The following GTF2F2 variants were observed in gnomAD, a reference collection of about 807,000 sequenced individuals.
The protein encoded by GTF2F2 is general transcription factor IIF subunit 2.
Under a neutral mutation model 42.2 loss-of-function variants are expected in GTF2F2, and 23 were observed. The ratio of observed to expected loss-of-function variants is 0.55; its 90% CI spans 0.39 to 0.77. GTF2F2 has a LOEUF of 0.77. Ranked by LOEUF, GTF2F2 falls within the 30% of genes least tolerant of loss-of-function variation. The probability of loss-of-function intolerance (pLI) is 0.00; values close to 1 mark genes in which losing one functional copy is unlikely to be tolerated. For synonymous variants in GTF2F2, 105 were observed against 100.8 expected (o/e 1.04, Z -0.25); for missense variants, 261 against 287.2 (o/e 0.91, Z 0.66).
At chr13:45,165,811 T>A (rs944511647) in intron 4 of GTF2F2, among the ~76,000 whole-genome samples, 4 of 89,832 alleles carry the variant, frequency 4.5e-5, no homozygotes, top group African/African-American at 1.5e-4. Context: ...ACATTCTTTT[T>A]TTTTTTTTTT....
chr13:45,147,245 A>G (rs532081441), intron 2 of GTF2F2, among the ~76,000 whole-genome samples: 1 of 152,146 alleles, frequency 6.6e-6, no homozygotes, highest in East Asian at 1.9e-4. Flanking sequence ...CCTGCTATGT[A>G]TCTCTTCCTT....
intron 4 of GTF2F2, among the ~76,000 whole-genome samples, chr13:45,162,899 A>G (rs774104885): frequency 8.6e-5 from 13 of 151,864 alleles, no homozygotes; most frequent in Non-Finnish European, 1.8e-4. Context: ...TTAAAGCTAG[A>G]AAACATTTTA....
chr13:45,148,544 A>C (rs1453730795), intron 2 of GTF2F2, among the ~76,000 whole-genome samples: 2 of 152,122 alleles, frequency 1.3e-5, no homozygotes, highest in African/African-American at 4.8e-5. Context: ...CTGAGCTCAG[A>C]GTTCCGTCTT....
chr13:45,194,031 C>T (rs1263742786), intron 4 of GTF2F2: 3 of 1,614,092 alleles, frequency 1.9e-6, no homozygotes, highest in Admixed American at 1.7e-5. Context: ...ATCCATCCAG[C>T]CTGCTTTTGG....
chr13:45,279,636 G>C, intron 7 of GTF2F2, among the ~76,000 whole-genome samples: 1 of 152,174 alleles, frequency 6.6e-6, no homozygotes, highest in South Asian at 2.1e-4. Flanking sequence ...GGCCGGGCGC[G>C]GTGGCTCATG....
At chr13:45,167,860 TC>T (rs1180413349) in intron 4 of GTF2F2, among the ~76,000 whole-genome samples, 2 of 152,106 alleles carry the variant, frequency 1.3e-5, no homozygotes, top group East Asian at 1.9e-4. Context: ...CTCACTTGTT[TC>T]CCCCCAGTCT....
chr13:45,263,176 T>C (rs530732046), intron 6 of GTF2F2, among the ~76,000 whole-genome samples: 1 of 152,290 alleles, frequency 6.6e-6, no homozygotes, highest in Non-Finnish European at 1.5e-5. Flanking sequence ...TAGTGAGGAA[T>C]GTTTCTGTTT....
chr13:45,273,603 T>G (rs1332357914), intron 7 of GTF2F2, among the ~76,000 whole-genome samples: 1 of 151,178 alleles, frequency 6.6e-6, no homozygotes, highest in African/African-American at 2.4e-5. Context: ...CCCTTACCAA[T>G]AAAATCTCCA....
intron 1 of GTF2F2, among the ~76,000 whole-genome samples, chr13:45,136,208 A>G (rs1333612497): frequency 1.3e-5 from 2 of 152,262 alleles, no homozygotes; most frequent in Non-Finnish European, 2.9e-5. Flanking sequence ...AAATGTGTCA[A>G]TCTATATAAA....
chr13:45,273,116 C>T (rs1403957324), intron 7 of GTF2F2, among the ~76,000 whole-genome samples: 4 of 151,518 alleles, frequency 2.6e-5, no homozygotes, highest in African/African-American at 4.9e-5. Context: ...TTAGTAGAGA[C>T]GGGGTTTCAC....
At chr13:45,121,817 ACTTATTTC>A (rs1566105400) in intron 1 of GTF2F2, among the ~76,000 whole-genome samples, 2 of 152,176 alleles carry the variant, frequency 1.3e-5, no homozygotes, top group African/African-American at 4.8e-5. Flanking sequence ...CACTCATTTG[ACTTATTTC>A]CAAACTCAGT....
At chr13:45,231,951 AC>A (rs1283360537) in intron 5 of GTF2F2, among the ~76,000 whole-genome samples, 1 of 152,206 alleles carries the variant, frequency 6.6e-6, no homozygotes, top group Non-Finnish European at 1.5e-5. Context: ...CTGCAGTTTG[AC>A]ATGATATGCA....
intron 4 of GTF2F2, among the ~76,000 whole-genome samples, chr13:45,171,112 C>A (rs1165382460): frequency 1.8e-5 from 2 of 108,504 alleles, no homozygotes; most frequent in Non-Finnish European, 3.4e-5. Flanking sequence ...GAGTCTTGGT[C>A]TGTCACCCAG....
chr13:45,138,794 C>T (rs548240691), intron 2 of GTF2F2, among the ~76,000 whole-genome samples: 9 of 152,074 alleles, frequency 5.9e-5, no homozygotes, highest in South Asian at 2.1e-4. Flanking sequence ...TATAGATGTG[C>T]GCCAGCATAC....
chr13:45,137,410 C>T (rs1396652134), intron 2 of GTF2F2, among the ~76,000 whole-genome samples: 1 of 152,214 alleles, frequency 6.6e-6, no homozygotes, highest in East Asian at 1.9e-4. Context: ...TGAAACAGCT[C>T]TTGTCTGTTA....
intron 5 of GTF2F2, among the ~76,000 whole-genome samples, chr13:45,244,191 G>GCTGATGA (rs1566148862): frequency 6.6e-6 from 1 of 152,144 alleles, no homozygotes; most frequent in African/African-American, 2.4e-5. Context: ...TTGTAGGGAG[G>GCTGATGA]CTGATGACTG....
chr13:45,205,420 G>T (rs780083703), intron 4 of GTF2F2, among the ~76,000 whole-genome samples: 1 of 152,130 alleles, frequency 6.6e-6, no homozygotes, highest in Non-Finnish European at 1.5e-5. Context: ...ATTTGGCTGG[G>T]GACACAGAGC....
intron 2 of GTF2F2, among the ~76,000 whole-genome samples, chr13:45,142,618 A>T (rs1164933585): frequency 6.6e-6 from 1 of 152,248 alleles, no homozygotes; most frequent in Admixed American, 6.5e-5. Context: ...TCAGTCTTGT[A>T]GAAGATCTAG....
intron 4 of GTF2F2, among the ~76,000 whole-genome samples, chr13:45,200,177 C>CTATT (rs1873105212): frequency 6.6e-6 from 1 of 151,880 alleles, no homozygotes; most frequent in African/African-American, 2.4e-5. Flanking sequence ...GCTCTGTGAG[C>CTATT]TATTCCCTCC....
Sources: allele counts gnomAD v4.1 joint callset (sites outside exome capture counted in the v4.1 genomes callset), GRCh38; gene constraint gnomAD v4.1.1; transcripts MANE v1.5; gene names NCBI Gene and HGNC (gene_info 2026-07-23, HGNC 2026-07-21).